The following MTHFD2L variants were observed in gnomAD, a reference collection of about 807,000 sequenced individuals.
The protein encoded by MTHFD2L is methylenetetrahydrofolate dehydrogenase (NADP+ dependent) 2 like.
Under a neutral mutation model 34.9 loss-of-function variants are expected in MTHFD2L, and 29 were observed. That is an observed-to-expected ratio of 0.83 (90% CI 0.62 to 1.13). MTHFD2L has a LOEUF of 1.13. Ranked by LOEUF, MTHFD2L falls within the 50% of genes most tolerant of loss-of-function variation. MTHFD2L has a pLI of 0.00. For missense variants in MTHFD2L, 481 were observed against 446.5 expected, an observed-to-expected ratio of 1.08 and a Z score of -0.70; for synonymous variants, 167 against 155.7, an observed-to-expected ratio of 1.07 and a Z score of -0.54.
chr4:74,257,700 G>A (rs562709478), intron 6 of MTHFD2L, among the ~76,000 whole-genome samples: 2 of 152,228 alleles, frequency 1.3e-5, no homozygotes, highest in East Asian at 1.9e-4. Context: ...TAGTTTTTGG[G>A]ATATGACCGC....
chr4:74,126,875 T>A (rs1722117297), intron 1 of MTHFD2L, among the ~76,000 whole-genome samples: 1 of 152,138 alleles, frequency 6.6e-6, no homozygotes, highest in South Asian at 2.1e-4. Context: ...CATCCAAATC[T>A]CATCTTGAAT....
intron 6 of MTHFD2L, among the ~76,000 whole-genome samples, chr4:74,279,772 G>C (rs922990317): frequency 1.3e-5 from 2 of 152,082 alleles, no homozygotes; most frequent in Admixed American, 6.6e-5. Flanking sequence ...GCAATGCATA[G>C]TACCTATGTC....
upstream of MTHFD2L, among the ~76,000 whole-genome samples, chr4:74,119,437 T>A (rs1427187887): frequency 3.9e-5 from 6 of 151,922 alleles, 1 homozygote; most frequent in Non-Finnish European, 8.8e-5. Context: ...AAAGAACCAA[T>A]GATGAGACAG....
chr4:74,254,830 T>TTA (rs10646845), intron 6 of MTHFD2L, among the ~76,000 whole-genome samples: 143,313 of 152,090 alleles, frequency 0.94, 67,845 homozygotes, highest in Non-Finnish European at 0.99. Context: ...GTAAAAGTAA[T>TTA]TAGCTGCAAG....
intron 7 of MTHFD2L, among the ~76,000 whole-genome samples, chr4:74,294,074 A>C (rs1191959334): frequency 6.6e-6 from 1 of 152,172 alleles, no homozygotes; most frequent in East Asian, 1.9e-4. Flanking sequence ...TGGGCCATAG[A>C]GTACTTCTTT....
At chr4:74,146,508 A>C (rs1042291070) in intron 1 of MTHFD2L, among the ~76,000 whole-genome samples, 2 of 152,128 alleles carry the variant, frequency 1.3e-5, no homozygotes, top group African/African-American at 4.8e-5. Flanking sequence ...TTAACAATAA[A>C]TCCCCATGCC....
chr4:74,163,775 T>TA (rs1371586529), intron 1 of MTHFD2L, among the ~76,000 whole-genome samples: 1 of 152,258 alleles, frequency 6.6e-6, no homozygotes, highest in Non-Finnish European at 1.5e-5. Context: ...ACATCGAAGA[T>TA]ATGCCCTAAG....
intron 3 of MTHFD2L, among the ~76,000 whole-genome samples, chr4:74,193,886 T>C (rs1470177589): frequency 6.6e-6 from 1 of 152,206 alleles, no homozygotes; most frequent in East Asian, 1.9e-4. Flanking sequence ...TCTATTCTGA[T>C]CTCTATGCCT....
At chr4:74,291,082 A>G (rs1316210154) in intron 7 of MTHFD2L, among the ~76,000 whole-genome samples, 2 of 116,576 alleles carry the variant, frequency 1.7e-5, no homozygotes, top group Non-Finnish European at 3.2e-5. Context: ...CAGTGGTGCG[A>G]TCTTGGCTCA....
chr4:74,118,083 G>T (rs1158693230), intron 2 of MTHFD2L, among the ~76,000 whole-genome samples: 1 of 151,756 alleles, frequency 6.6e-6, no homozygotes, highest in Non-Finnish European at 1.5e-5. Flanking sequence ...TGGTACATAG[G>T]GTGTTGAAAA....
chr4:74,215,408 C>T (rs1169285089), intron 5 of MTHFD2L, among the ~76,000 whole-genome samples: 1 of 151,800 alleles, frequency 6.6e-6, no homozygotes, highest in African/African-American at 2.4e-5. Context: ...TGCATCGTCC[C>T]TCACATCACA....
At chr4:74,199,652 A>G (rs1734073242) in intron 3 of MTHFD2L, 142 bp from the exon 4 acceptor site, 1 of 650,126 alleles carries the variant, frequency 1.5e-6, no homozygotes, top group Non-Finnish European at 2.4e-6. Context: ...GTGGCAAATA[A>G]TAATAATAAT....
At chr4:74,209,989 GTCT>G (rs1236491639) in intron 5 of MTHFD2L, among the ~76,000 whole-genome samples, 1 of 152,300 alleles carries the variant, frequency 6.6e-6, no homozygotes, top group African/African-American at 2.4e-5. Context: ...CTGCATAAAT[GTCT>G]TCTTTTAAAA....
chr4:74,206,942 C>T (rs1381493394), intron 5 of MTHFD2L, among the ~76,000 whole-genome samples: 1 of 151,930 alleles, frequency 6.6e-6, no homozygotes, highest in Non-Finnish European at 1.5e-5. Context: ...ACGCTGTCAC[C>T]CAGACTAGAG....
chr4:74,284,121 G>T (rs1747842781), intron 7 of MTHFD2L, among the ~76,000 whole-genome samples: 3 of 152,122 alleles, frequency 2.0e-5, no homozygotes, highest in Admixed American at 2.0e-4. Context: ...TGTTTCATTA[G>T]TAAAGAAAAC....
chr4:74,162,603 A>G (rs542066636), intron 1 of MTHFD2L, among the ~76,000 whole-genome samples: 17 of 151,794 alleles, frequency 1.1e-4, no homozygotes, highest in African/African-American at 3.9e-4. Context: ...GAAAAATACA[A>G]TTTTCTTAAT....
chr4:74,295,648 A>G (rs1382651808), intron 7 of MTHFD2L, among the ~76,000 whole-genome samples: 2 of 152,160 alleles, frequency 1.3e-5, no homozygotes, highest in African/African-American at 4.8e-5. Flanking sequence ...TTTTAAATTA[A>G]TATACAAAAT....
chr4:74,171,547 AG>A (rs540036171), intron 1 of MTHFD2L, among the ~76,000 whole-genome samples: 16 of 152,342 alleles, frequency 1.1e-4, no homozygotes, highest in Admixed American at 9.8e-4. Flanking sequence ...TCACACCTGT[AG>A]TCCCAGCATT....
chr4:74,184,993 C>G (rs887641599), intron 3 of MTHFD2L, among the ~76,000 whole-genome samples: 14 of 149,348 alleles, frequency 9.4e-5, no homozygotes, highest in African/African-American at 3.0e-4. Flanking sequence ...ACTAAAAATA[C>G]AAAAAAAAAT....
Sources: allele counts gnomAD v4.1 joint callset (sites outside exome capture counted in the v4.1 genomes callset), GRCh38; gene constraint gnomAD v4.1.1; transcripts MANE v1.5; gene names NCBI Gene and HGNC (gene_info 2026-07-23, HGNC 2026-07-21).